The following PCSK5 variants were observed in gnomAD, a reference collection of about 807,000 sequenced individuals.
The protein encoded by PCSK5 is prohormone convertase 5.
Under a neutral mutation model 233.2 loss-of-function variants are expected in PCSK5, and 129 were observed. That is an observed-to-expected ratio of 0.55 (90% CI 0.48 to 0.64). The LOEUF (loss-of-function observed/expected upper bound fraction) is 0.64, where lower values mean the gene tolerates loss of function less well. Ranked by LOEUF, PCSK5 falls within the 30% of genes least tolerant of loss-of-function variation. PCSK5 has a pLI of 0.00. For missense variants in PCSK5, 2,076 were observed against 2,430.1 expected (o/e 0.85, Z 3.06); for synonymous variants, 825 against 879.2 (o/e 0.94, Z 1.09).
chr9:76,259,455 C>T (rs1827094267), intron 24 of PCSK5, among the ~76,000 whole-genome samples: 1 of 77,076 alleles, frequency 1.3e-5, no homozygotes, highest in Non-Finnish European at 2.7e-5. Context: ...TCTGTCTACA[C>T]TACACACACA....
intron 34 of PCSK5, among the ~76,000 whole-genome samples, chr9:76,334,444 C>G (rs1424555356): frequency 1.3e-5 from 2 of 152,194 alleles, no homozygotes; most frequent in Non-Finnish European, 2.9e-5. Context: ...TTGAAAAACA[C>G]CAGCCAGGCT....
At chr9:75,901,067 C>T (rs573912033) in intron 1 of PCSK5, among the ~76,000 whole-genome samples, 18 of 152,130 alleles carry the variant, frequency 1.2e-4, no homozygotes, top group Middle Eastern at 3.4e-3. Flanking sequence ...GGGCGAGTGG[C>T]GAGTCAGAGG....
chr9:75,899,451 T>C (rs1825937349), intron 1 of PCSK5, among the ~76,000 whole-genome samples: 1 of 152,186 alleles, frequency 6.6e-6, no homozygotes, highest in Non-Finnish European at 1.5e-5. Flanking sequence ...TGTTTATCCC[T>C]AGTACTCCTG....
At chr9:76,128,992 G>A (rs543231186) in intron 9 of PCSK5, among the ~76,000 whole-genome samples, 14 of 152,078 alleles carry the variant, frequency 9.2e-5, no homozygotes, top group Non-Finnish European at 1.6e-4. Context: ...TGATCCTTTC[G>A]GGCTCTTCAT....
At chr9:76,088,245 G>T (rs541718373) in intron 7 of PCSK5, among the ~76,000 whole-genome samples, 1 of 152,322 alleles carries the variant, frequency 6.6e-6, no homozygotes, top group Non-Finnish European at 1.5e-5. Context: ...TGCTGGTGGA[G>T]ACCACTCACT....
chr9:76,079,004 C>T (rs1330046320), intron 7 of PCSK5, among the ~76,000 whole-genome samples: 1 of 151,980 alleles, frequency 6.6e-6, no homozygotes, highest in Non-Finnish European at 1.5e-5. Flanking sequence ...TTTCTTTTAG[C>T]AGTGTTTTCT....
intron 2 of PCSK5, among the ~76,000 whole-genome samples, chr9:75,941,369 G>A (rs967096133): frequency 2.0e-4 from 30 of 152,042 alleles, no homozygotes; most frequent in Admixed American, 6.6e-5. Context: ...CTTCGGGTAC[G>A]TACCTGAGGC....
chr9:75,968,956 G>A (rs1825706366), intron 2 of PCSK5, among the ~76,000 whole-genome samples: 1 of 146,836 alleles, frequency 6.8e-6, no homozygotes, highest in Non-Finnish European at 1.5e-5. Context: ...GGGAACATTT[G>A]TGTTCACTGG....
chr9:76,223,799 C>T (rs1825800665), intron 20 of PCSK5, among the ~76,000 whole-genome samples: 1 of 152,118 alleles, frequency 6.6e-6, no homozygotes, highest in Admixed American at 6.5e-5. Flanking sequence ...TCATGCCTGT[C>T]ATAAACATTC....
intron 9 of PCSK5, among the ~76,000 whole-genome samples, chr9:76,109,094 G>A (rs561473909): frequency 3.3e-5 from 5 of 152,276 alleles, no homozygotes; most frequent in Admixed American, 2.6e-4. Flanking sequence ...TTTGGGTTTA[G>A]CAAGGAACTG....
chr9:76,025,726 C>G (rs1261400664), intron 4 of PCSK5, among the ~76,000 whole-genome samples: 1 of 152,098 alleles, frequency 6.6e-6, no homozygotes, highest in African/African-American at 2.4e-5. Flanking sequence ...CCTCCTTATA[C>G]TCTTGTATCT....
At chr9:76,149,086 A>G (rs1823564506) in intron 10 of PCSK5, among the ~76,000 whole-genome samples, 1 of 152,174 alleles carries the variant, frequency 6.6e-6, no homozygotes. Context: ...CTTTTCGTAA[A>G]TTTTACAGAA....
At chr9:76,060,293 A>G (rs941945061) in intron 5 of PCSK5, among the ~76,000 whole-genome samples, 1 of 152,206 alleles carries the variant, frequency 6.6e-6, no homozygotes, top group Non-Finnish European at 1.5e-5. Context: ...AAAACCAATT[A>G]ATGTATATTT....
Position 75,994,424 on chromosome 9 carries a change from T to C in PCSK5, c.411+8179T>C, listed in dbSNP as rs1470794409. On this transcript the variant is annotated intron_variant, in intron 3 of 37. Coordinates refer to ENST00000674117, the MANE Select transcript of PCSK5 (RefSeq NM_001372043.1). The stretch of plus-strand genomic sequence containing the variant: ...TCTTTTTTTTTTTTTTTTTTTTTTT[T>C]TTTTTTTTTTTTTTTTTTGAGATGG... 4.9e-3 allele frequency among the ~76,000 whole-genome samples: 165 copies of C among 33,608 alleles called. 1 individual carries two copies. Among genetic ancestry groups the C allele is most frequent in the South Asian group, 0.01 (9 of 880 alleles). 22.0% of individuals were successfully genotyped at this position (33,608 alleles called of 152,430 possible). A position where few individuals can be genotyped will look rare whatever the true frequency, so the allele number is the denominator to read the frequency against.
At chr9:76,300,070 T>C (rs1307317414) in intron 27 of PCSK5, among the ~76,000 whole-genome samples, 2 of 152,212 alleles carry the variant, frequency 1.3e-5, no homozygotes, top group African/African-American at 4.8e-5. Flanking sequence ...TGTGACCACA[T>C]CCTAACAATT....
chr9:75,937,780 G>A (rs148211079), intron 2 of PCSK5, among the ~76,000 whole-genome samples: 1 of 152,184 alleles, frequency 6.6e-6, no homozygotes, highest in Non-Finnish European at 1.5e-5. Context: ...AGCACTTGCT[G>A]CTTCACCTTG....
chr9:76,018,950 T>C (rs1828069188), intron 3 of PCSK5, among the ~76,000 whole-genome samples: 1 of 152,208 alleles, frequency 6.6e-6, no homozygotes, highest in African/African-American at 2.4e-5. Flanking sequence ...TTTGCTTGTT[T>C]TTGGCCCTGC....
At chr9:75,938,012 T>C (rs1268172791) in intron 2 of PCSK5, among the ~76,000 whole-genome samples, 6 of 152,254 alleles carry the variant, frequency 3.9e-5, no homozygotes, top group Non-Finnish European at 7.3e-5. Context: ...AATAAGGCTG[T>C]TTCTCTTTCT....
chr9:76,308,137 C>T lies in PCSK5; in HGVS notation c.3605-508C>T, dbSNP rs1371723946. Among the ~76,000 whole-genome samples the T allele has an allele frequency of 1.3e-5, 2 of 152,140 alleles. 1 individual carries two copies. Among genetic ancestry groups the T allele is most frequent in the Non-Finnish European group, 2.9e-5 (2 of 68,034 alleles). On this transcript the variant is annotated intron_variant, in intron 28 of 37. Coordinates refer to ENST00000674117, the MANE Select transcript of PCSK5 (RefSeq NM_001372043.1). ...ACTTGAGCCCAGGAGGCAGAGGCGG[C>T]AGTGAGCCAAGATCACACCACCACA...
Sources: allele counts gnomAD v4.1 joint callset (sites outside exome capture counted in the v4.1 genomes callset), GRCh38; gene constraint gnomAD v4.1.1; transcripts MANE v1.5; gene names NCBI Gene and HGNC (gene_info 2026-07-23, HGNC 2026-07-21).